LRRC4C: variants seen among roughly 807,000 people sequenced by gnomAD.
The protein encoded by LRRC4C is leucine-rich repeat-containing protein 4C.
A neutral mutation model predicts 33.6 loss-of-function variants in LRRC4C; 5 were observed. The ratio of observed to expected loss-of-function variants is 0.15; its 90% confidence interval spans 0.08 to 0.31. The LOEUF (loss-of-function observed/expected upper bound fraction) is 0.31. Ranked by LOEUF, LRRC4C falls within the 10% of genes least tolerant of loss-of-function variation. The pLI, the probability that LRRC4C is intolerant of heterozygous loss-of-function variation, is 1.00. For synonymous variants in LRRC4C, 329 were observed against 302.0 expected (o/e 1.09, Z -0.93); for missense variants, 560 against 796.7 (o/e 0.70, Z 3.58).
intron 1 of LRRC4C, among the ~76,000 whole-genome samples, chr11:41,106,302 G>A (rs1041670218): frequency 6.6e-6 from 1 of 151,718 alleles, no homozygotes; most frequent in African/African-American, 2.4e-5. Flanking sequence ...TATAGCAGAG[G>A]CAGCAATGCA....
intron 2 of LRRC4C, among the ~76,000 whole-genome samples, chr11:40,669,729 C>T (rs1454631729): frequency 1.3e-5 from 2 of 152,156 alleles, no homozygotes; most frequent in Non-Finnish European, 2.9e-5. Flanking sequence ...TTGGCTGTGC[C>T]ACTTGGCCCT....
chr11:40,540,911 C>A (rs1343031033), intron 3 of LRRC4C, among the ~76,000 whole-genome samples: 1 of 152,100 alleles, frequency 6.6e-6, no homozygotes, highest in Non-Finnish European at 1.5e-5. Context: ...CAGTGATTAT[C>A]CCCAAAAGTC....
In LRRC4C at chr11:41,368,776, A is replaced by G. The variant is rs1462618181; in HGVS notation, c.-496+90655T>C. 5.3e-5 allele frequency among the ~76,000 whole-genome samples: 8 copies of G among 152,224 alleles called. No homozygotes were observed. The East Asian group carries it at 1.5e-3, about 29-fold the overall frequency. On this transcript the variant is annotated intron_variant, in intron 1 of 6. Transcript: ENST00000528697. ...TTCCTACATGTTGCTACTGGGTCAT[A>G]AAGCTCTGCAGCAATTTTTTAGGCT...
intron 2 of LRRC4C, among the ~76,000 whole-genome samples, chr11:40,679,347 C>G (rs1405815228): frequency 2.0e-5 from 3 of 152,130 alleles, no homozygotes; most frequent in African/African-American, 7.2e-5. Context: ...ACCCCATTCT[C>G]TGAGGAGAAA....
intron 1 of LRRC4C, among the ~76,000 whole-genome samples, chr11:41,430,208 T>C (rs1955185958): frequency 6.6e-6 from 1 of 152,168 alleles, no homozygotes; most frequent in South Asian, 2.1e-4. Flanking sequence ...AGAATGTAGC[T>C]GGTATATAAT....
intron 3 of LRRC4C, among the ~76,000 whole-genome samples, chr11:40,330,734 T>G (rs1265158670): frequency 2.0e-5 from 3 of 152,008 alleles, no homozygotes; most frequent in African/African-American, 7.3e-5. Context: ...AACATGGAAA[T>G]AACCAACCCC....
intron 1 of LRRC4C, among the ~76,000 whole-genome samples, chr11:41,136,103 G>A (rs770670557): frequency 6.6e-6 from 1 of 152,026 alleles, no homozygotes; most frequent in Non-Finnish European, 1.5e-5. Context: ...TCAGGCAGTG[G>A]TCTAGGAAGT....
intron 1 of LRRC4C, among the ~76,000 whole-genome samples, chr11:41,016,542 G>T (rs1855598293): frequency 6.6e-6 from 1 of 152,174 alleles, no homozygotes; most frequent in African/African-American, 2.4e-5. Context: ...TGCTACAAAT[G>T]TCTTTAGTCC....
At chr11:41,201,738 T>G (rs1946405043) in intron 1 of LRRC4C, among the ~76,000 whole-genome samples, 1 of 152,318 alleles carries the variant, frequency 6.6e-6, no homozygotes, top group South Asian at 2.1e-4. Context: ...TACATAGATT[T>G]TCTTTTAAAG....
intron 1 of LRRC4C, among the ~76,000 whole-genome samples, chr11:41,442,715 C>T (rs1055640556): frequency 1.3e-5 from 2 of 151,936 alleles, no homozygotes; most frequent in Non-Finnish European, 2.9e-5. Flanking sequence ...GTGATCCGCC[C>T]GCCTTTGCCT....
chr11:40,200,784 A>AAGAAAAG (rs1460992204), intron 5 of LRRC4C, among the ~76,000 whole-genome samples: 5 of 78,416 alleles, frequency 6.4e-5, no homozygotes, highest in African/African-American at 1.4e-4. Context: ...AAAAAAAAAA[A>AAGAAAAG]AAAAGAAAAG....
intron 2 of LRRC4C, among the ~76,000 whole-genome samples, chr11:40,882,361 T>C (rs1955224773): frequency 6.6e-6 from 1 of 152,134 alleles, no homozygotes; most frequent in African/African-American, 2.4e-5. Flanking sequence ...TATGCCAAGT[T>C]GACAAGTGTA....
chr11:41,418,472 G>A (rs892636252), intron 1 of LRRC4C, among the ~76,000 whole-genome samples: 3 of 151,910 alleles, frequency 2.0e-5, no homozygotes, highest in African/African-American at 4.8e-5. Flanking sequence ...GTTTAGAAGG[G>A]TCACTATGTT....
intron 2 of LRRC4C, among the ~76,000 whole-genome samples, chr11:40,795,810 T>C (rs1288599752): frequency 6.6e-6 from 1 of 152,188 alleles, no homozygotes; most frequent in African/African-American, 2.4e-5. Flanking sequence ...CCAAGTTCTG[T>C]AATGTGTAAA....
chr11:40,953,868 A>G (rs796896035), intron 1 of LRRC4C, among the ~76,000 whole-genome samples: 37 of 152,008 alleles, frequency 2.4e-4, no homozygotes, highest in African/African-American at 8.2e-4. Flanking sequence ...TTATATTTTT[A>G]TCTTATTTTG....
intron 4 of LRRC4C, among the ~76,000 whole-genome samples, chr11:40,316,735 A>C (rs2136808657): frequency 6.6e-6 from 1 of 152,102 alleles, no homozygotes; most frequent in South Asian, 2.1e-4. Flanking sequence ...AAATATCATT[A>C]GAAGCTTCAT....
chr11:41,164,200 T>A (rs1323658172), intron 1 of LRRC4C, among the ~76,000 whole-genome samples: 1 of 151,182 alleles, frequency 6.6e-6, no homozygotes, highest in Non-Finnish European at 1.5e-5. Flanking sequence ...TATTTTTTTT[T>A]TTTTTACTTT....
chr11:40,958,567 C>T (rs1043867464), intron 1 of LRRC4C, among the ~76,000 whole-genome samples: 5 of 151,574 alleles, frequency 3.3e-5, no homozygotes, highest in East Asian at 2.0e-4. Flanking sequence ...GTTGGGTAAG[C>T]GCATAAACTC....
chr11:40,204,507 A>G (rs1461352809), intron 5 of LRRC4C, among the ~76,000 whole-genome samples: 1 of 152,160 alleles, frequency 6.6e-6, no homozygotes, highest in Non-Finnish European at 1.5e-5. Context: ...TCAAGGACCT[A>G]GGAGCCATCT....
Sources: allele counts gnomAD v4.1 joint callset (sites outside exome capture counted in the v4.1 genomes callset), GRCh38; gene constraint gnomAD v4.1.1; transcripts MANE v1.5; gene names NCBI Gene and HGNC (gene_info 2026-07-23, HGNC 2026-07-21).